Variants in MAF observed in about 807,000 individuals in gnomAD.
The protein encoded by MAF is transcription factor Maf.
MAF carries 10 observed loss-of-function variants against 22.0 expected under a neutral mutation model. The observed-to-expected ratio is 0.45, with a 90% CI of 0.28 to 0.77. The LOEUF (loss-of-function observed/expected upper bound fraction) is 0.77, where lower values mean the gene tolerates loss of function less well. MAF is among the 30% of genes least tolerant of loss of function. MAF has a pLI of 0.12. For synonymous variants in MAF, 337 were observed against 255.8 expected (o/e 1.32, Z -3.03); for missense variants, 544 against 548.4 (o/e 0.99, Z 0.08).
the MAF span, among the ~76,000 whole-genome samples, chr16:79,314,124 T>A: frequency 6.6e-6 from 1 of 152,210 alleles, no homozygotes; most frequent in Non-Finnish European, 1.5e-5. Context: ...GATTTCCGTG[T>A]GGCCCTTCCT....
At chr16:79,488,399 G>C in the MAF span, among the ~76,000 whole-genome samples, 7 of 152,264 alleles carry the variant, frequency 4.6e-5, no homozygotes, top group Non-Finnish European at 7.4e-5. Flanking sequence ...CTTGGGATTG[G>C]AGCTTGGTCC....
chr16:79,341,371 C>G, the MAF span, among the ~76,000 whole-genome samples: 1 of 152,138 alleles, frequency 6.6e-6, no homozygotes, highest in East Asian at 1.9e-4. Context: ...CAGCTTGGTA[C>G]GGAAGCTCAG....
chr16:79,366,210 A>C, the MAF span, among the ~76,000 whole-genome samples: 1 of 152,228 alleles, frequency 6.6e-6, no homozygotes, highest in African/African-American at 2.4e-5. Flanking sequence ...CCAAGGAAAA[A>C]GAATATGTAA....
the MAF span, among the ~76,000 whole-genome samples, chr16:79,381,571 G>A: frequency 6.6e-6 from 1 of 152,230 alleles, no homozygotes; most frequent in Admixed American, 6.5e-5. Flanking sequence ...GATTCTGATA[G>A]ATGATGCTCC....
chr16:79,507,416 C>T, the MAF span, among the ~76,000 whole-genome samples: 2 of 143,014 alleles, frequency 1.4e-5, no homozygotes, highest in African/African-American at 5.2e-5. Flanking sequence ...AAGCCCAGCC[C>T]TTGCATCTTA....
the MAF span, among the ~76,000 whole-genome samples, chr16:79,482,838 TCCATC>T: frequency 1.1e-5 from 1 of 90,016 alleles, no homozygotes; most frequent in Non-Finnish European, 2.2e-5. Flanking sequence ...CATACCCCCC[TCCATC>T]CCCTCCCCTC....
At chr16:79,585,521 A>C (rs1449398045), downstream of MAF, among the ~76,000 whole-genome samples, 1 of 152,034 alleles carries the variant, frequency 6.6e-6, no homozygotes, top group Non-Finnish European at 1.5e-5. Context: ...CAAGTAGAAG[A>C]AGCAGCTCTT....
chr16:79,252,183 G>T, the MAF span, among the ~76,000 whole-genome samples: 1 of 152,138 alleles, frequency 6.6e-6, no homozygotes, highest in Non-Finnish European at 1.5e-5. Flanking sequence ...TAGGCTTTGT[G>T]GGTCGTACGA....
the MAF span, among the ~76,000 whole-genome samples, chr16:79,415,183 G>A: frequency 2.0e-5 from 3 of 151,960 alleles, no homozygotes; most frequent in African/African-American, 7.2e-5. Flanking sequence ...TACACGGGCA[G>A]GACTCTTGTT....
chr16:79,397,734 C>G, the MAF span, among the ~76,000 whole-genome samples: 1 of 152,102 alleles, frequency 6.6e-6, no homozygotes, highest in South Asian at 2.1e-4. Context: ...AAAGGCATTG[C>G]TATCCTTGGG....
At chr16:79,212,912 A>G in the MAF span, 1 of 151,956 alleles carries the variant, frequency 6.6e-6, no homozygotes, top group Non-Finnish European at 1.5e-5. Context: ...CTGTTAAAGA[A>G]AGAAAAAAGA....
At chr16:79,452,863 G>A in the MAF span, among the ~76,000 whole-genome samples, 1 of 152,104 alleles carries the variant, frequency 6.6e-6, no homozygotes, top group Admixed American at 6.5e-5. Context: ...ACAGAGTCGC[G>A]AGATGAAAGA....
chr16:79,514,746 A>T, the MAF span, among the ~76,000 whole-genome samples: 1 of 152,202 alleles, frequency 6.6e-6, no homozygotes, highest in East Asian at 1.9e-4. Context: ...GCCTCTATCA[A>T]TCAGGGACTC....
the MAF span, among the ~76,000 whole-genome samples, chr16:79,400,497 A>G: frequency 2.0e-5 from 3 of 152,234 alleles, no homozygotes; most frequent in Admixed American, 1.3e-4. Context: ...TACTACAAAC[A>G]TGAGTTGGAG....
chr16:79,580,603 A>G, the MAF span, among the ~76,000 whole-genome samples: 21 of 152,084 alleles, frequency 1.4e-4, no homozygotes, highest in Non-Finnish European at 1.5e-4. Context: ...TGGAGGGAGA[A>G]CAGCTGGGAT....
At chr16:79,456,572 C>T in the MAF span, among the ~76,000 whole-genome samples, 3 of 152,152 alleles carry the variant, frequency 2.0e-5, no homozygotes, top group East Asian at 1.9e-4. Flanking sequence ...AAACCATGCT[C>T]AGAGTATGGG....
At chr16:79,240,728 G>C in the MAF span, among the ~76,000 whole-genome samples, 3 of 151,790 alleles carry the variant, frequency 2.0e-5, no homozygotes, top group Non-Finnish European at 4.4e-5. Flanking sequence ...GTGGGTCCCT[G>C]ACCCCCTTGT....
At chr16:79,513,461 G>A in the MAF span, among the ~76,000 whole-genome samples, 1 of 152,196 alleles carries the variant, frequency 6.6e-6, no homozygotes, top group Non-Finnish European at 1.5e-5. Context: ...AGCTGCTCCT[G>A]GAGCACAGCA....
chr16:79,580,281 T>A, the MAF span, among the ~76,000 whole-genome samples: 4 of 152,302 alleles, frequency 2.6e-5, no homozygotes, highest in East Asian at 7.7e-4. Flanking sequence ...GACCATAGCC[T>A]TTGTTGCCCT....
Sources: allele counts gnomAD v4.1 joint callset (sites outside exome capture counted in the v4.1 genomes callset), GRCh38; gene constraint gnomAD v4.1.1; transcripts MANE v1.5; gene names NCBI Gene and HGNC (gene_info 2026-07-23, HGNC 2026-07-21).